PRKN: variants seen among roughly 807,000 people sequenced by gnomAD.
The protein encoded by PRKN is E3 ubiquitin-protein ligase parkin.
Under a neutral mutation model 59.5 loss-of-function variants are expected in PRKN, and 56 were observed. That is an observed-to-expected ratio of 0.94 (90% CI 0.76 to 1.18). The LOEUF is 1.18. Among genes scored for constraint, PRKN ranks in the 50% most tolerant of loss-of-function variants. The pLI is 0.00. For synonymous variants in PRKN, 250 were observed against 222.1 expected (o/e 1.13, Z -1.12); for missense variants, 657 against 596.4 (o/e 1.10, Z -1.06).
At chr6:161,443,309 CAAA>C (rs145832867) in intron 9 of PRKN, among the ~76,000 whole-genome samples, 6 of 79,964 alleles carry the variant, frequency 7.5e-5, no homozygotes, top group African/African-American at 9.4e-5. Flanking sequence ...GACTCCGTCT[CAAA>C]AAAAAAAAAA....
intron 1 of PRKN, among the ~76,000 whole-genome samples, chr6:162,470,734 TTTTG>T (rs891550548): frequency 9.3e-5 from 14 of 150,442 alleles, no homozygotes; most frequent in East Asian, 1.9e-4. Flanking sequence ...CACACTTTAA[TTTTG>T]TTTATTTATT....
At chr6:161,489,060 T>C (rs1223725428) in intron 9 of PRKN, among the ~76,000 whole-genome samples, 1 of 152,094 alleles carries the variant, frequency 6.6e-6, no homozygotes, top group African/African-American at 2.4e-5. Context: ...TCACAATACT[T>C]TTTAAAAAGA....
At chr6:162,014,488 C>T (rs1269962990) in intron 5 of PRKN, among the ~76,000 whole-genome samples, 1 of 152,192 alleles carries the variant, frequency 6.6e-6, no homozygotes, top group Non-Finnish European at 1.5e-5. Flanking sequence ...TTTGAGCTCT[C>T]TTCACCTGGC....
At chr6:162,713,055 G>A (rs1778595081) in intron 1 of PRKN, among the ~76,000 whole-genome samples, 1 of 152,136 alleles carries the variant, frequency 6.6e-6, no homozygotes, top group Admixed American at 6.5e-5. Flanking sequence ...GATTTGAGAT[G>A]TGAAAGAAAG....
At chr6:161,748,532 C>T (rs189855506) in intron 7 of PRKN, among the ~76,000 whole-genome samples, 62 of 152,208 alleles carry the variant, frequency 4.1e-4, no homozygotes, top group Non-Finnish European at 6.3e-4. Context: ...GGGTCTGGTT[C>T]GCCTCCGACA....
At chr6:161,672,603 C>G (rs1784949802) in intron 7 of PRKN, among the ~76,000 whole-genome samples, 1 of 152,028 alleles carries the variant, frequency 6.6e-6, no homozygotes, top group South Asian at 2.1e-4. Flanking sequence ...TGGTGAAAAC[C>G]CGTCTCTATG....
At chr6:162,141,111 C>T (rs1400708734) in intron 4 of PRKN, among the ~76,000 whole-genome samples, 1 of 151,814 alleles carries the variant, frequency 6.6e-6, no homozygotes, top group African/African-American at 2.4e-5. Flanking sequence ...GCCTGGGCGA[C>T]AGAGTGAGAC....
At chr6:162,384,617 G>C (rs552132286) in intron 2 of PRKN, among the ~76,000 whole-genome samples, 2 of 134,412 alleles carry the variant, frequency 1.5e-5, no homozygotes, top group African/African-American at 2.8e-5. Context: ...AGACTTGCTT[G>C]ATACAGGGTT....
intron 3 of PRKN, among the ~76,000 whole-genome samples, chr6:162,206,081 CAG>C (rs1028160896): frequency 2.0e-5 from 3 of 152,052 alleles, no homozygotes; most frequent in Non-Finnish European, 4.4e-5. Context: ...AGGACAGAAA[CAG>C]GGGGGACTTC....
At chr6:162,257,050 C>G (rs538679820) in intron 3 of PRKN, among the ~76,000 whole-genome samples, 2 of 152,312 alleles carry the variant, frequency 1.3e-5, no homozygotes, top group South Asian at 4.1e-4. Context: ...ACAAGGTAGA[C>G]GGGGCCAGCC....
chr6:162,548,642 T>C (rs1200388830), intron 1 of PRKN, among the ~76,000 whole-genome samples: 2 of 152,302 alleles, frequency 1.3e-5, no homozygotes, highest in Middle Eastern at 3.4e-3. Context: ...TTTGGAAGGA[T>C]GGCTATCCTT....
chr6:161,551,051 G>C lies in PRKN; in HGVS notation c.934-2048C>G, dbSNP rs944711080. On this transcript the variant is annotated intron_variant, in intron 8 of 11. Transcript: ENST00000366898. The surrounding 1 kb of genome is among the most constrained non-coding windows in gnomAD (Gnocchi z 5.2). The stretch of plus-strand genomic sequence containing the variant: ...TACCAGAAAAGAGGTCTAAGAGTTC[G>C]GATGGCAAACAAACTAGAATCTCTG... 6.6e-6 allele frequency among the ~76,000 whole-genome samples: 1 copy of C among 152,104 alleles called. No individual in the cohort carries two copies. The highest frequency in any genetic ancestry group is 1.5e-5 in the Non-Finnish European group (1 of 68,026).
chr6:161,988,674 C>T (rs887475588), intron 5 of PRKN, among the ~76,000 whole-genome samples: 2 of 151,886 alleles, frequency 1.3e-5, no homozygotes, highest in Non-Finnish European at 2.9e-5. Flanking sequence ...AAATGGAAAT[C>T]ATGAGTGAAA....
chr6:162,152,874 A>C (rs1254666421), intron 4 of PRKN, among the ~76,000 whole-genome samples: 1 of 152,170 alleles, frequency 6.6e-6, no homozygotes, highest in Non-Finnish European at 1.5e-5. Flanking sequence ...TCTATTTCTT[A>C]CTCTGGGACA....
chr6:162,285,266 ATTTTT>A (rs11392809), intron 2 of PRKN, among the ~76,000 whole-genome samples: 24 of 95,928 alleles, frequency 2.5e-4, no homozygotes, highest in South Asian at 1.3e-3. Flanking sequence ...TATTTTGGAG[ATTTTT>A]TTTTTTTTTT....
intron 6 of PRKN, among the ~76,000 whole-genome samples, chr6:161,912,952 G>A (rs899218808): frequency 3.3e-5 from 5 of 152,094 alleles, no homozygotes; most frequent in Non-Finnish European, 4.4e-5. Flanking sequence ...CGAGGCGGGT[G>A]GATCACCTGA....
At chr6:162,559,100 A>T (rs573651584) in intron 1 of PRKN, among the ~76,000 whole-genome samples, 1 of 149,454 alleles carries the variant, frequency 6.7e-6, no homozygotes, top group South Asian at 2.1e-4. Context: ...GTAGTGAGCC[A>T]AGATCGTGCC....
intron 7 of PRKN, among the ~76,000 whole-genome samples, chr6:161,570,844 T>C (rs1417550853): frequency 1.3e-5 from 2 of 152,190 alleles, no homozygotes; most frequent in Non-Finnish European, 2.9e-5. Flanking sequence ...TGTATAGATA[T>C]GTAAAATTTA....
chr6:162,506,965 TATA>T (rs1486683665), intron 1 of PRKN, among the ~76,000 whole-genome samples: 1 of 152,140 alleles, frequency 6.6e-6, no homozygotes, highest in African/African-American at 2.4e-5. Context: ...AAATATTTTA[TATA>T]ATGAGTGAGC....
Sources: gnomAD v4.1 joint callset for allele counts (sites outside exome capture counted in the v4.1 genomes callset) on GRCh38, gnomAD v4.1.1 for gene constraint, Gnocchi (gnomAD v3.1) non-coding constraint, MANE v1.5 for transcripts, NCBI Gene and HGNC (gene_info 2026-07-23, HGNC 2026-07-21) for gene names.